The following OGA variants were observed in gnomAD, a reference collection of about 807,000 sequenced individuals.
The protein encoded by OGA is O-GlcNAcase.
In OGA, 21 loss-of-function variants were observed where a neutral mutation model predicts 102.0. The observed-to-expected ratio is 0.21, with a 90% confidence interval of 0.15 to 0.30. OGA has a LOEUF of 0.30. Among genes scored for constraint, OGA ranks in the 10% least tolerant of loss-of-function variants. The probability of loss-of-function intolerance (pLI) is 1.00; values close to 1 mark genes in which losing one functional copy is unlikely to be tolerated. For synonymous variants in OGA, 408 were observed against 378.2 expected (o/e 1.08, Z -0.91); for missense variants, 765 against 1,107.8 (o/e 0.69, Z 4.39).
At position 101,791,372 on chromosome 10, in the gene OGA, G is replaced by A; in HGVS notation, c.2243C>T (p.Pro748Leu). The change falls in exon 13 of 16, where the codon CCT (proline) becomes CTT (leucine). Residue 748 changes from proline to leucine, a missense_variant. Around this residue, in one of 7 missense-constraint regions of OGA, gnomAD observed 146 missense variants for 269.7 expected, o/e 0.54. Coordinates refer to ENST00000361464, the MANE Select transcript of OGA (RefSeq NM_012215.5). ...CACATACTTGTCTCCAATAAGATCA[G>A]GCTGACTTTGAAAGGGTAAACCCAC... ...DGVGLPFQSQ[P>L]DLIGDKLVGG... 1 of 1,613,550 alleles carries A rather than the reference G, an allele frequency of 6.2e-7. No homozygotes were observed. Among genetic ancestry groups the A allele is most frequent in the Non-Finnish European group, 8.5e-7 (1 of 1,179,522 alleles).
chr10:101,792,024 T>A (rs6584457), intron 12 of OGA, among the ~76,000 whole-genome samples: 148,823 of 149,832 alleles, frequency 0.99, 73,918 homozygotes, highest in Non-Finnish European at 1. Flanking sequence ...TTTATTATTT[T>A]TTTTTTTTTT....
At chr10:101,796,786 G>T (rs1409575768) in intron 10 of OGA, among the ~76,000 whole-genome samples, 1 of 151,826 alleles carries the variant, frequency 6.6e-6, no homozygotes, top group African/African-American at 2.4e-5. Context: ...CTGGTCTCAT[G>T]CTGGTTTTCA....
chr10:101,808,041 A>G (rs929838495), intron 4 of OGA, 140 bp from the exon 5 acceptor site: 1 of 788,034 alleles, frequency 1.3e-6, no homozygotes, highest in South Asian at 4.1e-5. Context: ...TACATTTTCA[A>G]TTAAAAAATC....
chr10:101,811,418 A>ATG (rs1403499166), intron 3 of OGA, among the ~76,000 whole-genome samples: 3 of 149,130 alleles, frequency 2.0e-5, no homozygotes, highest in Admixed American at 1.3e-4. Flanking sequence ...AAAAAAAAAA[A>ATG]AAAAAAAAAA....
intron 3 of OGA, among the ~76,000 whole-genome samples, chr10:101,812,056 T>C (rs1462492488): frequency 6.6e-6 from 1 of 152,214 alleles, no homozygotes; most frequent in African/African-American, 2.4e-5. Flanking sequence ...AAGAAAACTT[T>C]CAGCCTTCTG....
In OGA at chr10:101,798,076, T is replaced by C. The variant is rs2065338920; in HGVS notation, c.1888A>G (p.Asn630Asp). 6.2e-7 allele frequency: 1 copy of C among 1,614,030 alleles called. No individual in the cohort carries two copies. The highest frequency in any genetic ancestry group is 1.3e-5 in the African/African-American group (1 of 74,938). The change falls in exon 10 of 16, where the codon AAT (asparagine) becomes GAT (aspartate). Residue 630 changes from asparagine (N) to aspartate (D), a missense_variant. Physicochemically the swap from Asn to Asp is conservative, Grantham distance 23. Transcript: ENST00000361464. Reference sequence around the variant, plus strand: ...TAAAGAATTGTCCTGTTGGCACAATTGGAGAGCCGAGTGAACATTCCCATC... The same window carrying C: ...TAAAGAATTGTCCTGTTGGCACAATCGGAGAGCCGAGTGAACATTCCCATC... ...LVMGMFTRLS[N>D]CANRTILYDM...
chr10:101,786,670 G>T, intron 15 of OGA, 83 bp from the exon 16 acceptor site: 1 of 1,163,044 alleles, frequency 8.6e-7, no homozygotes, highest in South Asian at 2.0e-5. Flanking sequence ...TCTTCGAGAT[G>T]GTTAATATAA....
intron 12 of OGA, 58 bp from the exon 13 acceptor site, chr10:101,791,497 A>C (rs928573616): frequency 1.2e-5 from 17 of 1,408,798 alleles, no homozygotes; most frequent in Non-Finnish European, 1.5e-5. Context: ...GAATCTAACA[A>C]TATAACTCAC....
chr10:101,794,009 C>G lies in OGA; in HGVS notation c.1985-11G>C, dbSNP rs2065288014. On this transcript the variant is annotated splice_polypyrimidine_tract_variant and intron_variant, in intron 10 of 15. Coordinates refer to ENST00000361464, the MANE Select transcript of OGA (RefSeq NM_012215.5). ...AATGACTACGACACCCTGTTGAGATCAGATCCAAGCGGAGAACGTTACGAG... is the reference window on the plus strand; with the variant it reads ...AATGACTACGACACCCTGTTGAGATGAGATCCAAGCGGAGAACGTTACGAG... 1 of 1,600,470 alleles carries G rather than the reference C, an allele frequency of 6.2e-7. No individual in the cohort carries two copies. Among genetic ancestry groups the G allele is most frequent in the South Asian group, 1.1e-5 (1 of 90,340 alleles).
intron 5 of OGA, among the ~76,000 whole-genome samples, chr10:101,806,636 C>G (rs1158497454): frequency 2.6e-5 from 4 of 152,154 alleles, no homozygotes; most frequent in African/African-American, 9.7e-5. Context: ...TCTTACGATA[C>G]TACAGTTACT....
At chr10:101,789,391 G>T (rs1222361723) in intron 14 of OGA, among the ~76,000 whole-genome samples, 1 of 152,080 alleles carries the variant, frequency 6.6e-6, no homozygotes, top group Non-Finnish European at 1.5e-5. Context: ...TCAACTACTC[G>T]AGAGGCTGAA....
intron 10 of OGA, chr10:101,795,724 C>T (rs1268177869): frequency 5.9e-6 from 1 of 169,308 alleles, no homozygotes; most frequent in Non-Finnish European, 1.2e-5. Context: ...CAAGGGGTGT[C>T]CAATCTTTTG....
chr10:101,807,882 C>G lies in OGA; in HGVS notation c.500G>C (p.Arg167Thr). ...ATCATCAAAAAGCAAAGCAAATGAT[C>G]TGCACCCAAACTGAGAAACCTAGGA... ...KLDQVSQFGC[R>T]SFALLFDDID... The change falls in exon 5 of 16, where the codon AGA (arginine) becomes ACA (threonine). Residue 167 changes from arginine to threonine, a missense_variant. By Grantham distance (71) the Arg-to-Thr change is moderately conservative. Around this residue, in one of 7 missense-constraint regions of OGA, gnomAD observed 165 missense variants for 249.7 expected, o/e 0.66. Coordinates refer to ENST00000361464, the MANE Select transcript of OGA (RefSeq NM_012215.5). 1 of 1,544,792 alleles carries G rather than the reference C, an allele frequency of 6.5e-7. No individual in the cohort carries two copies. The highest frequency in any genetic ancestry group is 2.1e-5 in the Admixed American group (1 of 48,668).
intron 1 of OGA, among the ~76,000 whole-genome samples, chr10:101,814,698 C>T (rs1391751017): frequency 6.6e-6 from 1 of 152,174 alleles, no homozygotes; most frequent in Admixed American, 6.5e-5. Flanking sequence ...CAAACTCTCA[C>T]GCAATCTTAA....
chr10:101,804,096 GC>G, intron 6 of OGA, 77 bp from the exon 7 acceptor site: 9 of 1,380,004 alleles, frequency 6.5e-6, no homozygotes, highest in African/African-American at 1.4e-5. Flanking sequence ...TGTAATCCCA[GC>G]ACTCTGGGAG....
In OGA at chr10:101,818,039, G is replaced by T; in HGVS notation, c.-17C>A. 1 of 1,555,094 alleles carries T rather than the reference G, an allele frequency of 6.4e-7. No individual in the cohort carries two copies. On this transcript the variant is annotated 5_prime_UTR_variant, in exon 1 of 16. Coordinates refer to ENST00000361464, the MANE Select transcript of OGA (RefSeq NM_012215.5). ...CTGCACCATCCTCCTGCCCCCGGCC[G>T]CTGCCACCTCTGCGGGTCCTCCTCG...
intron 8 of OGA, among the ~76,000 whole-genome samples, chr10:101,799,920 T>A (rs900896482): frequency 6.6e-6 from 1 of 152,216 alleles, no homozygotes; most frequent in African/African-American, 2.4e-5. Context: ...TCACCCAGGC[T>A]GGAGTACAGT....
At chr10:101,797,683 T>C in intron 10 of OGA, 1 of 532,620 alleles carries the variant, frequency 1.9e-6, no homozygotes, top group Non-Finnish European at 3.3e-6. Flanking sequence ...AAAAGTGGTA[T>C]ACAGGGTTCC....
At chr10:101,791,854 G>A (rs1406359051) in intron 12 of OGA, among the ~76,000 whole-genome samples, 4 of 149,488 alleles carry the variant, frequency 2.7e-5, no homozygotes, top group East Asian at 2.0e-4. Flanking sequence ...TTTTTGAGAC[G>A]GAGTCTCTGT....
Sources: allele counts gnomAD v4.1 joint callset (sites outside exome capture counted in the v4.1 genomes callset), GRCh38; gene constraint gnomAD v4.1.1; regional missense constraint gnomAD v4.1.1; transcripts MANE v1.5; gene names NCBI Gene and HGNC (gene_info 2026-07-23, HGNC 2026-07-21).